KIRREL3: variants seen among roughly 807,000 people sequenced by gnomAD.
The protein encoded by KIRREL3 is kirre like nephrin family adhesion molecule 3, also known as kin of IRRE-like protein 3.
KIRREL3 carries 36 observed loss-of-function variants against 89.7 expected under a neutral mutation model. That is an observed-to-expected ratio of 0.40 (90% CI 0.31 to 0.53). The LOEUF (loss-of-function observed/expected upper bound fraction) is 0.53, where lower values mean the gene tolerates loss of function less well. Among genes scored for constraint, KIRREL3 ranks in the 20% least tolerant of loss-of-function variants. KIRREL3 has a pLI of 0.49. For synonymous variants in KIRREL3, 445 were observed against 441.4 expected (o/e 1.01, Z -0.10); for missense variants, 864 against 1,056.6 (o/e 0.82, Z 2.53).
At position 126,897,396 on chromosome 11, in the gene KIRREL3, G is replaced by A. The variant is rs1476247551; in HGVS notation, c.55+103059C>T. Reference sequence around the variant, plus strand: ...AGAAAATGGAAAGCCTTCCCCAAGCGTTCTCTTATTTTGGGGAAAAAAAAT... The same window carrying A: ...AGAAAATGGAAAGCCTTCCCCAAGCATTCTCTTATTTTGGGGAAAAAAAAT... On this transcript the variant is annotated intron_variant, in intron 1 of 16. Transcript: ENST00000525144. This position sits in a 1 kb window ranked among gnomAD's most constrained non-coding sequence, Gnocchi z 4.2. Among the ~76,000 whole-genome samples the A allele has an allele frequency of 1.3e-5, 2 of 151,980 alleles. No homozygotes were observed. The highest frequency in any genetic ancestry group is 2.4e-5 in the African/African-American group (1 of 41,350).
intron 1 of KIRREL3, among the ~76,000 whole-genome samples, chr11:126,713,970 T>G (rs1203907882): frequency 2.0e-5 from 3 of 152,162 alleles, no homozygotes; most frequent in African/African-American, 7.2e-5. Flanking sequence ...ATTCCCTGAC[T>G]GTTTTTGTAA....
In KIRREL3 at chr11:126,468,920, C is replaced by T. The variant is rs547746488; in HGVS notation, c.591+4389G>A. ...GAGCTAGGCCTTCAGAACCATGTGG[C>T]CAGCCTAACTATGACACCGATGTCT... On this transcript the variant is annotated intron_variant, in intron 5 of 16. Transcript: ENST00000525144. Among the ~76,000 whole-genome samples, 55 of 152,322 alleles carry T rather than the reference C, an allele frequency of 3.6e-4. No individual in the cohort carries two copies. The South Asian group carries it at 9.7e-3, about 27-fold the overall frequency.
rs1949915126 is a variant in KIRREL3 at position 126,768,395 on chromosome 11, A to G, written c.56-205483T>C. 6.6e-6 allele frequency among the ~76,000 whole-genome samples: 1 copy of G among 152,244 alleles called. No homozygotes were observed. Among genetic ancestry groups the G allele is most frequent in the Admixed American group, 6.5e-5 (1 of 15,276 alleles). On this transcript the variant is annotated intron_variant, in intron 1 of 16. Transcript: ENST00000525144. The surrounding 1 kb of genome is among the most constrained non-coding windows in gnomAD (Gnocchi z 4.5). ...ATTGTATGCAGGCACTGCATGTCCC[A>G]GGTCTGGAAATGCCTATGAATCAGT...
intron 1 of KIRREL3, among the ~76,000 whole-genome samples, chr11:126,945,340 G>A (rs1005986420): frequency 1.3e-5 from 2 of 152,114 alleles, no homozygotes; most frequent in Non-Finnish European, 2.9e-5. Flanking sequence ...GCTGTGGGGG[G>A]CAGAGGTGGG....
In KIRREL3 at chr11:126,431,399, C is replaced by T. The variant is rs1317459501; in HGVS notation, c.1696+20G>A. ...TTTTCTCTGTCCCCCTCCCTGAGAT[C>T]CCGGATCTCCCTCCCGTACTTCTCT... On this transcript the variant is annotated intron_variant, in intron 14 of 16. Transcript: ENST00000525144. The surrounding 1 kb of genome is among the most constrained non-coding windows in gnomAD (Gnocchi z 7.1). 6.2e-7 allele frequency: 1 copy of T among 1,613,634 alleles called. No homozygotes were observed. The highest frequency in any genetic ancestry group is 8.5e-7 in the Non-Finnish European group (1 of 1,179,798).
chr11:126,473,511 G>A (rs1956983039), intron 4 of KIRREL3, 45 bp from the exon 5 acceptor site: 4 of 1,482,322 alleles, frequency 2.7e-6, no homozygotes, highest in Middle Eastern at 1.8e-4. Context: ...CTCCCACCTC[G>A]GGCAGGACGG....
chr11:127,002,817 G>A (rs370101544), upstream of KIRREL3: 1 of 152,178 alleles, frequency 6.6e-6, no homozygotes. Context: ...CAGCCCCCGA[G>A]GGAACTATTA....
intron 7 of KIRREL3, among the ~76,000 whole-genome samples, chr11:126,451,066 T>C (rs1353281051): frequency 2.3e-5 from 3 of 130,292 alleles, no homozygotes; most frequent in Non-Finnish European, 3.4e-5. Context: ...TGTGCATGCA[T>C]GTGCATGTGT....
At chr11:126,444,855 A>G (rs1375334531) in intron 10 of KIRREL3, 124 bp downstream of exon 10, 1 of 1,284,526 alleles carries the variant, frequency 7.8e-7, no homozygotes. Context: ...TTGTCTACCC[A>G]TAGTTGGAGG....
intron 1 of KIRREL3, among the ~76,000 whole-genome samples, chr11:126,815,327 C>T (rs1946059): frequency 0.86 from 131,432 of 152,104 alleles, 57,114 homozygotes; most frequent in East Asian, 1. Context: ...TGAGTCACAC[C>T]CTGATTCTGT....
rs971065560 is a variant in KIRREL3, at chr11:126,977,576, T to G, written c.55+22879A>C. On this transcript the variant is annotated intron_variant, in intron 1 of 16. Coordinates refer to ENST00000525144, the MANE Select transcript of KIRREL3 (RefSeq NM_032531.4). This position sits in a 1 kb window ranked among gnomAD's most constrained non-coding sequence, Gnocchi z 4.7. The stretch of plus-strand genomic sequence containing the variant: ...ATTCTTTCAACAAGCATTTATTGAA[T>G]GCCTACTATGCACCTGTCTATTTCA... 6.6e-6 allele frequency among the ~76,000 whole-genome samples: 1 copy of G among 152,228 alleles called. No homozygotes were observed. The highest frequency in any genetic ancestry group is 1.5e-5 in the Non-Finnish European group (1 of 68,038).
rs1031763062 is a variant in KIRREL3 at position 126,645,759 on chromosome 11, C to G, written c.56-82847G>C. On this transcript the variant is annotated intron_variant, in intron 1 of 16. Coordinates refer to ENST00000525144, the MANE Select transcript of KIRREL3 (RefSeq NM_032531.4). This position sits in a 1 kb window ranked among gnomAD's most constrained non-coding sequence, Gnocchi z 4.9. ...TGAATGGCAGATAAGGTGGTGTCTTCGCCTATGCTTTGGACCACATTTAAT... is the reference window on the plus strand; with the variant it reads ...TGAATGGCAGATAAGGTGGTGTCTTGGCCTATGCTTTGGACCACATTTAAT... 6.6e-6 allele frequency among the ~76,000 whole-genome samples: 1 copy of G among 152,208 alleles called. No individual in the cohort carries two copies. The highest frequency in any genetic ancestry group is 1.5e-5 in the Non-Finnish European group (1 of 68,040).
At position 126,543,708 on chromosome 11, in the gene KIRREL3, G is replaced by A. The variant is rs185307761; in HGVS notation, c.134-17021C>T. ...TGAAGACCACGGAAACCTCTCCCAT[G>A]GTGCCCTTGGGGCTGAGATCAGCTC... On this transcript the variant is annotated intron_variant, in intron 2 of 16. Transcript: ENST00000525144. 1.2e-4 allele frequency among the ~76,000 whole-genome samples: 18 copies of A among 152,282 alleles called. No individual in the cohort carries two copies. In the East Asian group the frequency reaches 2.1e-3, roughly 18 times the overall value.
At chr11:126,681,123 T>A (rs1412839705) in intron 1 of KIRREL3, among the ~76,000 whole-genome samples, 3 of 152,194 alleles carry the variant, frequency 2.0e-5, no homozygotes, top group Non-Finnish European at 4.4e-5. Flanking sequence ...TGTAGCTCTC[T>A]CCCAGGTGGC....
rs1182806927 is a variant in KIRREL3 at position 126,744,016 on chromosome 11, T to A, written c.56-181104A>T. Among the ~76,000 whole-genome samples, 1 of 152,228 alleles carries A rather than the reference T, an allele frequency of 6.6e-6. No homozygotes were observed. Among genetic ancestry groups the A allele is most frequent in the Non-Finnish European group, 1.5e-5 (1 of 68,046 alleles). On this transcript the variant is annotated intron_variant, in intron 1 of 16. Transcript: ENST00000525144. This position sits in a 1 kb window ranked among gnomAD's most constrained non-coding sequence, Gnocchi z 4.7. ...CCTCATGGAAGAGGTGACATTAGAT[T>A]TGGGCCTTAGCAATGGGCAGAATTT...
chr11:126,911,815 C>G (rs1651008746), intron 1 of KIRREL3, among the ~76,000 whole-genome samples: 1 of 151,860 alleles, frequency 6.6e-6, no homozygotes, highest in Non-Finnish European at 1.5e-5. Flanking sequence ...AACCCTGTCT[C>G]TACTAAAAAT....
At chr11:126,590,850 T>C (rs1942098602) in intron 1 of KIRREL3, among the ~76,000 whole-genome samples, 1 of 152,278 alleles carries the variant, frequency 6.6e-6, no homozygotes, top group South Asian at 2.1e-4. Flanking sequence ...CTTCCATCCC[T>C]GTTCTCCCCA....
intron 1 of KIRREL3, among the ~76,000 whole-genome samples, chr11:126,806,335 A>G (rs1254284537): frequency 6.6e-6 from 1 of 152,182 alleles, no homozygotes; most frequent in Non-Finnish European, 1.5e-5. Context: ...CATTGTCCCT[A>G]ATAGCCTTGG....
intron 1 of KIRREL3, among the ~76,000 whole-genome samples, chr11:126,803,726 A>G (rs767067238): frequency 2.0e-5 from 3 of 151,922 alleles, no homozygotes; most frequent in Admixed American, 1.3e-4. Flanking sequence ...CTGTCCCCAC[A>G]CCGCCACCCC....
Sources: gnomAD v4.1 joint callset for allele counts (sites outside exome capture counted in the v4.1 genomes callset) on GRCh38, gnomAD v4.1.1 for gene constraint, Gnocchi (gnomAD v3.1) non-coding constraint, MANE v1.5 for transcripts, NCBI Gene and HGNC (gene_info 2026-07-23, HGNC 2026-07-21) for gene names.